The following ROR1 variants were observed in gnomAD, a reference collection of about 807,000 sequenced individuals.
ROR1 encodes the protein ROR family WNT receptor 1.
Under a neutral mutation model 78.8 loss-of-function variants are expected in ROR1, and 19 were observed. That is an observed-to-expected ratio of 0.24 (90% CI 0.17 to 0.35). The LOEUF (loss-of-function observed/expected upper bound fraction) is 0.35, where lower values mean the gene tolerates loss of function less well. Ranked by LOEUF, ROR1 falls within the 10% of genes least tolerant of loss-of-function variation. The pLI, the probability that ROR1 is intolerant of heterozygous loss-of-function variation, is 1.00. For synonymous variants in ROR1, 386 were observed against 433.6 expected (o/e 0.89, Z 1.36); for missense variants, 917 against 1,177.8 (o/e 0.78, Z 3.24).
chr1:64,116,186 T>C (rs561637360), intron 4 of ROR1, among the ~76,000 whole-genome samples: 66 of 152,324 alleles, frequency 4.3e-4, no homozygotes, highest in Non-Finnish European at 5.6e-4. Context: ...TGCTCTTCTA[T>C]AGAATCCTTA....
intron 4 of ROR1, among the ~76,000 whole-genome samples, chr1:64,083,679 A>G (rs1427596917): frequency 6.6e-6 from 1 of 152,108 alleles, no homozygotes; most frequent in African/African-American, 2.4e-5. Flanking sequence ...GGGAGGGGTT[A>G]GATTTTAAAC....
At chr1:63,824,757 C>T (rs1644943619) in intron 1 of ROR1, among the ~76,000 whole-genome samples, 1 of 152,076 alleles carries the variant, frequency 6.6e-6, no homozygotes, top group Non-Finnish European at 1.5e-5. Flanking sequence ...TATATTTACT[C>T]ATAAAAATTT....
chr1:63,774,903 A>G lies in ROR1; in HGVS notation c.91+395A>G, dbSNP rs557723935. On this transcript the variant is annotated intron_variant, in intron 1 of 8. Transcript: ENST00000371079. This position sits in a 1 kb window ranked among gnomAD's most constrained non-coding sequence, Gnocchi z 5.7. ...TTCAGGCAAGTCTATCCTGCCCCCA[A>G]GTTGCGAGCCGGCCCGGAAGGCGCG... is the stretch of plus-strand genomic sequence containing the variant. Among the ~76,000 whole-genome samples, 2 of 152,074 alleles carry G rather than the reference A, an allele frequency of 1.3e-5. No individual in the cohort carries two copies. The highest frequency in any genetic ancestry group is 2.0e-4 in the East Asian group (1 of 5,108).
chr1:63,822,754 C>T (rs1282623273), intron 1 of ROR1, among the ~76,000 whole-genome samples: 5 of 152,100 alleles, frequency 3.3e-5, no homozygotes, highest in Admixed American at 3.3e-4. Context: ...TTTTCTTAAT[C>T]CCTATTGTTG....
intron 4 of ROR1, among the ~76,000 whole-genome samples, chr1:64,068,871 C>G (rs922513997): frequency 2.8e-4 from 43 of 152,108 alleles, no homozygotes; most frequent in African/African-American, 8.7e-4. Context: ...TAAACATACC[C>G]AAAATATATC....
At chr1:63,989,819 C>T (rs1646280682) in intron 1 of ROR1, among the ~76,000 whole-genome samples, 1 of 152,102 alleles carries the variant, frequency 6.6e-6, no homozygotes, top group Non-Finnish European at 1.5e-5. Context: ...GGCTTTCCTG[C>T]CAAACTGTGA....
chr1:64,095,503 TAA>T (rs1248312173), intron 4 of ROR1, among the ~76,000 whole-genome samples: 1 of 152,136 alleles, frequency 6.6e-6, no homozygotes, highest in East Asian at 1.9e-4. Context: ...GAAATCAAAA[TAA>T]TAGTTACCTC....
At chr1:63,823,215 G>A (rs927600540) in intron 1 of ROR1, among the ~76,000 whole-genome samples, 2 of 151,736 alleles carry the variant, frequency 1.3e-5, no homozygotes, top group South Asian at 2.1e-4. Context: ...TCTTTCCTTG[G>A]TCCCTCCCAA....
intron 4 of ROR1, among the ~76,000 whole-genome samples, chr1:64,115,691 T>A (rs1648293719): frequency 6.6e-6 from 1 of 152,158 alleles, no homozygotes; most frequent in Admixed American, 6.6e-5. Context: ...CATCTGCTTT[T>A]GCTCTATCTC....
At position 64,142,412 on chromosome 1, in the gene ROR1, G is replaced by A; in HGVS notation, c.936G>A (p.Lys312=). 1.2e-6 allele frequency: 2 copies of A among 1,614,078 alleles called. No homozygotes were observed. Among genetic ancestry groups the A allele is most frequent in the Admixed American group, 1.7e-5 (1 of 60,034 alleles). The part of the protein sequence containing the change: ...PMADPINKNH[K]CYNSTGVDYR... ...TTTTTGTGTGTTTTTCAGATCACAAGTGTTATAACAGCACAGGTGTGGACT... is the reference window on the plus strand; with the variant it reads ...TTTTTGTGTGTTTTTCAGATCACAAATGTTATAACAGCACAGGTGTGGACT... The change falls in exon 7 of 9, where the codon AAG becomes AAA. Residue 312 remains lysine (K), a synonymous_variant. Transcript: ENST00000371079.
chr1:64,013,716 C>G (rs751527533), intron 2 of ROR1, among the ~76,000 whole-genome samples: 81 of 152,176 alleles, frequency 5.3e-4, no homozygotes, highest in Non-Finnish European at 2.2e-4. Context: ...ACCATGACAT[C>G]AACAGTGCTC....
At chr1:63,862,879 A>G (rs1177963083) in intron 1 of ROR1, among the ~76,000 whole-genome samples, 1 of 152,362 alleles carries the variant, frequency 6.6e-6, no homozygotes, top group South Asian at 2.1e-4. Context: ...TTTAAAAATT[A>G]ATATTGGAGT....
At chr1:63,889,724 A>G (rs1557546031) in intron 1 of ROR1, among the ~76,000 whole-genome samples, 1 of 152,186 alleles carries the variant, frequency 6.6e-6, no homozygotes, top group Non-Finnish European at 1.5e-5. Context: ...TTCTGCTTAT[A>G]TCTTCCTGTA....
intron 3 of ROR1, 84 bp downstream of exon 3, chr1:64,050,062 G>A: frequency 7.0e-7 from 1 of 1,430,618 alleles, no homozygotes; most frequent in Non-Finnish European, 9.7e-7. Context: ...CAGGAAGGAA[G>A]GAATGCACAC....
At chr1:63,987,938 C>CT (rs915261708) in intron 1 of ROR1, among the ~76,000 whole-genome samples, 12 of 152,150 alleles carry the variant, frequency 7.9e-5, no homozygotes, top group African/African-American at 2.9e-4. Context: ...ATTCCTTATT[C>CT]TAAGAAGATT....
At chr1:63,856,370 G>C (rs141565763) in intron 1 of ROR1, among the ~76,000 whole-genome samples, 1 of 152,112 alleles carries the variant, frequency 6.6e-6, no homozygotes. Context: ...TGCTCTCCTC[G>C]TGGCGTGGGG....
intron 4 of ROR1, among the ~76,000 whole-genome samples, chr1:64,088,384 T>A (rs925867199): frequency 2.6e-5 from 4 of 152,132 alleles, no homozygotes; most frequent in Admixed American, 2.6e-4. Flanking sequence ...GATAGGCAGA[T>A]GACAAAACCA....
chr1:64,140,004 G>A (rs1384111939), intron 5 of ROR1, 105 bp from the exon 6 acceptor site: 15 of 1,038,576 alleles, frequency 1.4e-5, no homozygotes, highest in Middle Eastern at 4.5e-4. Context: ...GTTTCAGCAC[G>A]GCGGATTCCT....
chr1:63,888,745 T>C (rs1645374278), intron 1 of ROR1, among the ~76,000 whole-genome samples: 7 of 152,176 alleles, frequency 4.6e-5, no homozygotes, highest in Admixed American at 4.6e-4. Flanking sequence ...TTAATTGATA[T>C]AATTATCAGT....
Sources: gnomAD v4.1 joint callset for allele counts (sites outside exome capture counted in the v4.1 genomes callset) on GRCh38, gnomAD v4.1.1 for gene constraint, Gnocchi (gnomAD v3.1) non-coding constraint, MANE v1.5 for transcripts, NCBI Gene and HGNC (gene_info 2026-07-23, HGNC 2026-07-21) for gene names.